IFI30: variants seen among roughly 807,000 people sequenced by gnomAD.
The protein encoded by IFI30 is IFI30 lysosomal thiol reductase.
A neutral mutation model predicts 30.1 loss-of-function variants in IFI30; 26 were observed. The observed-to-expected ratio is 0.87, with a 90% CI of 0.63 to 1.20. The LOEUF (loss-of-function observed/expected upper bound fraction) is 1.20. Ranked by LOEUF, IFI30 falls within the 50% of genes most tolerant of loss-of-function variation. The probability of loss-of-function intolerance (pLI) is 0.00; values close to 1 mark genes in which losing one functional copy is unlikely to be tolerated. For missense variants in IFI30, 296 were observed against 312.5 expected, an observed-to-expected ratio of 0.95 and a Z score of 0.40; for synonymous variants, 149 against 134.5, an observed-to-expected ratio of 1.11 and a Z score of -0.75.
intron 5 of IFI30, 88 bp downstream of exon 5, chr19:18,177,380 C>T: frequency 7.0e-7 from 1 of 1,428,320 alleles, no homozygotes; most frequent in Admixed American, 2.3e-5. Flanking sequence ...ATAAAGGAAC[C>T]CAGGCGGAGG....
chr19:18,177,173 GACA>G lies in IFI30; in HGVS notation c.518_520del (p.Asp173_Thr174delinsAla). The G allele has an allele frequency of 6.3e-7, 1 of 1,580,278 alleles. No individual in the cohort carries two copies. On this transcript the variant is annotated inframe_deletion, in exon 5 of 7. Coordinates refer to ENST00000407280, the MANE Select transcript of IFI30 (RefSeq NM_006332.5). ...GCTCTACGCCCCAGGGCTGTCGCCA[GACA>G]CTATCATGGAGTGTGCAATGGGGGA...
At chr19:18,177,601 G>T in intron 5 of IFI30, 110 bp from the exon 6 acceptor site, 1 of 1,275,960 alleles carries the variant, frequency 7.8e-7, no homozygotes. Context: ...TGCGAGGCGG[G>T]AGGCGGGGGC....
intron 4 of IFI30, among the ~76,000 whole-genome samples, 169 bp from the exon 5 acceptor site, chr19:18,176,971 A>T (rs1012629509): frequency 6.6e-6 from 1 of 152,182 alleles, no homozygotes; most frequent in African/African-American, 2.4e-5. Context: ...AGGGGCCTCC[A>T]CTCAAGCATG....
In IFI30 at chr19:18,177,224, G is replaced by T. The variant is rs202191420; in HGVS notation, c.568G>T (p.Ala190Ser). Residue 190 changes from alanine (A) to serine (S), a missense_variant, in exon 5 of 7, where the codon GCC becomes TCC. By Grantham distance (99) the Ala-to-Ser change is moderately conservative. Transcript: ENST00000407280. The stretch of plus-strand genomic sequence containing the variant: ...GGACCGCGGCATGCAGCTCATGCAC[G>T]CCAACGCCCAGCGGACAGATGCTCT... ...MGDRGMQLMHANAQRTDALQP... is the reference protein window; with the variant it reads ...MGDRGMQLMHSNAQRTDALQP... 1 of 1,588,544 alleles carries T rather than the reference G, an allele frequency of 6.3e-7. No individual in the cohort carries two copies.
intron 5 of IFI30, 156 bp downstream of exon 5, chr19:18,177,448 T>C: frequency 2.2e-6 from 2 of 889,136 alleles, no homozygotes; most frequent in East Asian, 2.7e-5. Flanking sequence ...GAGCAAAACT[T>C]GATAGCTTTG....
chr19:18,177,263 G>C lies in IFI30; in HGVS notation c.607G>C (p.Glu203Gln). Residue 203 changes from glutamate (E) to glutamine (Q), a missense_variant, in exon 5 of 7, where the codon GAG becomes CAG. By Grantham distance (29) the Glu-to-Gln change is conservative. Coordinates refer to ENST00000407280, the MANE Select transcript of IFI30 (RefSeq NM_006332.5). Reference sequence around the variant, plus strand: ...GACAGATGCTCTCCAGCCACCACACGAGTATGTGCCCTGGGTCACCGTCAA... The same window carrying C: ...GACAGATGCTCTCCAGCCACCACACCAGTATGTGCCCTGGGTCACCGTCAA... ...QRTDALQPPH[E>Q]YVPWVTVNGK... The C allele has an allele frequency of 6.3e-7, 1 of 1,586,312 alleles. No individual in the cohort carries two copies. The highest frequency in any genetic ancestry group is 8.6e-7 in the Non-Finnish European group (1 of 1,166,332).
At chr19:18,177,668 G>A in intron 5 of IFI30, 43 bp from the exon 6 acceptor site, 3 of 1,608,442 alleles carry the variant, frequency 1.9e-6, no homozygotes, top group Non-Finnish European at 1.7e-6. Context: ...CATGGGTTGG[G>A]GTAGCTGCTG....
intron 4 of IFI30, among the ~76,000 whole-genome samples, chr19:18,176,703 CA>C (rs1309983829): frequency 6.6e-6 from 1 of 152,176 alleles, no homozygotes; most frequent in African/African-American, 2.4e-5. Flanking sequence ...ATTCATTCAT[CA>C]AACATCCGGG....
Position 18,175,326 on chromosome 19 carries a change from G to A in IFI30, c.331G>A (p.Gly111Ser), listed in dbSNP as rs1387191049. 4 of 1,590,614 alleles carry A rather than the reference G, an allele frequency of 2.5e-6. No individual in the cohort carries two copies. Among genetic ancestry groups the A allele is most frequent in the Non-Finnish European group, 3.4e-6 (4 of 1,169,314 alleles). The change falls in exon 3 of 7, where the codon GGC becomes AGC. Residue 111 changes from glycine (G) to serine (S), a missense_variant. Physicochemically the swap from Gly to Ser is moderately conservative, Grantham distance 56. Coordinates refer to ENST00000407280, the MANE Select transcript of IFI30 (RefSeq NM_006332.5). ...YGNAQEQNVS[G>S]RWEFKCQHGE... is the part of the protein sequence containing the mutation. ...TGCCTTGCAGGAACAAAATGTCAGT[G>A]GCAGGTGGGAGTTCAAGTGCCAGCA...
In IFI30 at chr19:18,175,590, C is replaced by T. The variant is rs560830984; in HGVS notation, c.391-15C>T. On this transcript the variant is annotated splice_polypyrimidine_tract_variant and intron_variant, in intron 3 of 6. Transcript: ENST00000407280. The stretch of plus-strand genomic sequence containing the variant: ...CCCTCTTCATGCCCTCTCCTGCCCC[C>T]TCTCCAAACCCCAGGCCTGCGTGTT... 209 of 1,600,094 alleles carry T rather than the reference C, an allele frequency of 1.3e-4. 1 individual carries two copies. The East Asian group carries it at 4.5e-3, about 35-fold the overall frequency.
In IFI30 at chr19:18,173,902, A is replaced by G; in HGVS notation, c.61A>G (p.Thr21Ala). The G allele has an allele frequency of 6.4e-7, 1 of 1,551,142 alleles. No homozygotes were observed. The highest frequency in any genetic ancestry group is 2.4e-5 in the East Asian group (1 of 40,904). ...GCTGCTGCTGCTGCTGGACGTCCCC[A>G]CGGCGGCGGTGCAGGCGTCCCCTCT... Reference protein sequence around the residue: ...PPLLLLLDVPTAAVQASPLQA... With the variant: ...PPLLLLLDVPAAAVQASPLQA... Residue 21 changes from threonine to alanine, a missense_variant, in exon 1 of 7, where the codon ACG (threonine) becomes GCG (alanine). By Grantham distance (58) the Thr-to-Ala change is moderately conservative. Coordinates refer to ENST00000407280, the MANE Select transcript of IFI30 (RefSeq NM_006332.5).
chr19:18,175,248 G>T (rs781720797), intron 2 of IFI30, 26 bp downstream of exon 2: 1 of 1,575,706 alleles, frequency 6.3e-7, no homozygotes, highest in Admixed American at 1.9e-5. Context: ...GGAAACTGAG[G>T]CACGTGGGCA....
chr19:18,177,081 G>A (rs575552456), intron 4 of IFI30, 59 bp from the exon 5 acceptor site: 30 of 1,474,862 alleles, frequency 2.0e-5, no homozygotes, highest in Middle Eastern at 2.1e-4. Context: ...GCTGGTGGGC[G>A]GGACCGTTGA....
At chr19:18,177,627 G>A in intron 5 of IFI30, 84 bp from the exon 6 acceptor site, 1 of 1,499,332 alleles carries the variant, frequency 6.7e-7, no homozygotes, top group South Asian at 1.2e-5. Flanking sequence ...TTGGGAATAT[G>A]TGCAGCCCTT....
chr19:18,175,523 G>C, intron 3 of IFI30, 82 bp from the exon 4 acceptor site: 1 of 1,401,252 alleles, frequency 7.1e-7, no homozygotes. Context: ...CTCCTGGGTG[G>C]GTACTGGTGA....
intron 1 of IFI30, chr19:18,174,232 GC>G: frequency 2.3e-6 from 1 of 426,396 alleles, no homozygotes. Flanking sequence ...TTCAATGAGC[GC>G]CTACTGTGTA....
At chr19:18,175,483 C>T in intron 3 of IFI30, 98 bp downstream of exon 3, 1 of 1,393,852 alleles carries the variant, frequency 7.2e-7, no homozygotes, top group Non-Finnish European at 1.0e-6. Context: ...GCCTCGTGTG[C>T]TCCCATTTAA....
chr19:18,176,935 G>A (rs140776035), intron 4 of IFI30, among the ~76,000 whole-genome samples: 1 of 152,306 alleles, frequency 6.6e-6, no homozygotes, highest in Non-Finnish European at 1.5e-5. Context: ...GGAGCTAGGA[G>A]GCAGGAGCAG....
chr19:18,175,308 C>T lies in IFI30; in HGVS notation c.316-3C>T. The T allele has an allele frequency of 6.3e-7, 1 of 1,586,668 alleles. No individual in the cohort carries two copies. Among genetic ancestry groups the T allele is most frequent in the Admixed American group, 1.8e-5 (1 of 55,238 alleles). On this transcript the variant is annotated splice_region_variant and splice_polypyrimidine_tract_variant and intron_variant, in intron 2 of 6. Transcript: ENST00000407280. ...AGCAGGCTCTCACCCTGCTGCCTTG[C>T]AGGAACAAAATGTCAGTGGCAGGTG... is the stretch of plus-strand genomic sequence containing the variant.
Sources: gnomAD v4.1 joint callset for allele counts (sites outside exome capture counted in the v4.1 genomes callset) on GRCh38, gnomAD v4.1.1 for gene constraint, MANE v1.5 for transcripts, NCBI Gene and HGNC (gene_info 2026-07-23, HGNC 2026-07-21) for gene names.